Variants in AREG observed in about 807,000 individuals in gnomAD.
AREG encodes the protein amphiregulin, also known as amphiregulin B.
In AREG, 16 loss-of-function variants were observed where a neutral mutation model predicts 28.0. That is an observed-to-expected ratio of 0.57 (90% CI 0.39 to 0.87). AREG has a LOEUF of 0.87. Among genes scored for constraint, AREG ranks in the 40% least tolerant of loss-of-function variants. The probability of loss-of-function intolerance (pLI) is 0.00; values close to 1 mark genes in which losing one functional copy is unlikely to be tolerated. For missense variants in AREG, 287 were observed against 309.1 expected, an observed-to-expected ratio of 0.93 and a Z score of 0.53; for synonymous variants, 113 against 113.5, an observed-to-expected ratio of 1.00 and a Z score of 0.02.
Position 74,452,523 on chromosome 4 carries a change from AGAATGCC to A in AREG, c.666-20_666-14del, listed in dbSNP as rs1719396203. 5.0e-6 allele frequency: 8 copies of A among 1,613,142 alleles called. No homozygotes were observed. The African/African-American group carries it at 1.1e-4, about 22-fold the overall frequency. On this transcript the variant is annotated splice_polypyrimidine_tract_variant and intron_variant, in intron 4 of 5. Coordinates refer to ENST00000395748, the MANE Select transcript of AREG (RefSeq NM_001657.4). ...AGATGAATAGAACCTTGATAACATT[AGAATGCC>A]TTGTTCTCTGAAGGCTTAGAAGACA... is the stretch of plus-strand genomic sequence containing the variant.
intron 3 of AREG, among the ~76,000 whole-genome samples, chr4:74,449,864 C>T (rs1038098948): frequency 5.3e-5 from 8 of 151,870 alleles, no homozygotes; most frequent in African/African-American, 1.9e-4. Context: ...AGTTTCCTGA[C>T]CCCTGGTATA....
chr4:74,445,161 C>T lies in AREG; in HGVS notation c.-185C>T. The T allele has an allele frequency of 7.5e-7, 1 of 1,335,796 alleles. No individual in the cohort carries two copies. Among genetic ancestry groups the T allele is most frequent in the Non-Finnish European group, 1.0e-6 (1 of 1,002,574 alleles). 82.7% of individuals were successfully genotyped at this position (1,335,796 alleles called of 1,614,324 possible). A position where few individuals can be genotyped will look rare whatever the true frequency, so the allele number is the denominator to read the frequency against. ...AGACGTTCGCACACCTGGGTGCCAG[C>T]GCCCCAGAGGTCCCGGGACAGCCCG... On this transcript the variant is annotated 5_prime_UTR_variant, in exon 1 of 6. Coordinates refer to ENST00000395748, the MANE Select transcript of AREG (RefSeq NM_001657.4).
intron 5 of AREG, among the ~76,000 whole-genome samples, chr4:74,453,328 A>C (rs1719410734): frequency 1.3e-5 from 2 of 152,164 alleles, no homozygotes; most frequent in Non-Finnish European, 2.9e-5. Flanking sequence ...GGAAGTAGAA[A>C]GGGAGGGGGA....
chr4:74,446,749 A>T lies in AREG; in HGVS notation c.277A>T (p.Ile93Leu). ...YSEEYDNEPQ[I>L]PGYIVDDSVR... ...AGAAGAGTATGATAACGAACCACAA[A>T]TACCTGGCTATATTGTCGATGATTC... is the stretch of plus-strand genomic sequence containing the variant. Residue 93 changes from isoleucine to leucine, a missense_variant, in exon 2 of 6, where the codon ATA (isoleucine) becomes TTA (leucine). Ile to Leu is a conservative substitution (Grantham distance 5). Transcript: ENST00000395748. 1 of 1,613,942 alleles carries T rather than the reference A, an allele frequency of 6.2e-7. No homozygotes were observed. Among genetic ancestry groups the T allele is most frequent in the Non-Finnish European group, 8.5e-7 (1 of 1,179,858 alleles).
At position 74,445,199 on chromosome 4, in the gene AREG, C is replaced by A. The variant is rs1169274233; in HGVS notation, c.-147C>A. 6.7e-7 allele frequency: 1 copy of A among 1,484,470 alleles called. No homozygotes were observed. The highest frequency in any genetic ancestry group is 9.0e-7 in the Non-Finnish European group (1 of 1,111,310). 92.0% of individuals were successfully genotyped at this position (1,484,470 alleles called of 1,614,324 possible). On this transcript the variant is annotated 5_prime_UTR_variant, in exon 1 of 6. Transcript: ENST00000395748. ...CCGGGACAGCCCGAGGCGCCGCGCC[C>A]GCCGCCCCGAGCTCCCCAAGCCTTC...
At chr4:74,448,818 C>T in intron 2 of AREG, 1 of 539,460 alleles carries the variant, frequency 1.9e-6, no homozygotes, top group Non-Finnish European at 3.1e-6. Context: ...AAGTAGTACT[C>T]ACTAATTCCC....
chr4:74,445,687 G>A (rs1719270344), intron 1 of AREG, among the ~76,000 whole-genome samples: 1 of 152,170 alleles, frequency 6.6e-6, no homozygotes, highest in African/African-American at 2.4e-5. Flanking sequence ...CAGATTAAAA[G>A]ATTAAAAAGA....
chr4:74,454,033 G>T (rs1262779947), intron 5 of AREG, among the ~76,000 whole-genome samples: 1 of 152,094 alleles, frequency 6.6e-6, no homozygotes, highest in East Asian at 1.9e-4. Flanking sequence ...ACTCCAGATG[G>T]TTCTGATACT....
In AREG at chr4:74,445,544, C is replaced by T. The variant is rs1029157660; in HGVS notation, c.61+138C>T. Reference sequence around the variant, plus strand: ...CCGCAGGAGGTGATCACTGTAGCTCCCTCCCTAGGAGGAAAAGAGAAGGGC... The same window carrying T: ...CCGCAGGAGGTGATCACTGTAGCTCTCTCCCTAGGAGGAAAAGAGAAGGGC... On this transcript the variant is annotated intron_variant, in intron 1 of 5. Transcript: ENST00000395748. The T allele has an allele frequency of 2.0e-6, 3 of 1,480,906 alleles. No individual in the cohort carries two copies. The African/African-American group carries it at 4.3e-5, about 21-fold the overall frequency. 91.7% of individuals were successfully genotyped at this position (1,480,906 alleles called of 1,614,324 possible).
In AREG at chr4:74,452,560, G is replaced by C; in HGVS notation, c.682G>C (p.Val228Leu). Residue 228 changes from valine to leucine, a missense_variant, in exon 5 of 6, where the codon GTC (valine) becomes CTC (leucine). By Grantham distance (32) the Val-to-Leu change is conservative. Coordinates refer to ENST00000395748, the MANE Select transcript of AREG (RefSeq NM_001657.4). ...VITVQLRRQYVRKYEGEAEER... is the reference protein window; with the variant it reads ...VITVQLRRQYLRKYEGEAEER... ...TCTCTGAAGGCTTAGAAGACAATAC[G>C]TCAGGAAATATGAAGGAGAAGCTGA... 1 of 1,613,422 alleles carries C rather than the reference G, an allele frequency of 6.2e-7. No homozygotes were observed. Among genetic ancestry groups the C allele is most frequent in the South Asian group, 1.1e-5 (1 of 91,062 alleles).
chr4:74,446,739 C>T lies in AREG; in HGVS notation c.267C>T (p.Asn89=), dbSNP rs759769941. 30 of 1,613,812 alleles carry T rather than the reference C, an allele frequency of 1.9e-5. No homozygotes were observed. The highest frequency in any genetic ancestry group is 1.8e-4 in the East Asian group (8 of 44,894). The change falls in exon 2 of 6, where the codon AAC becomes AAT. Residue 89 remains asparagine, a synonymous_variant. Coordinates refer to ENST00000395748, the MANE Select transcript of AREG (RefSeq NM_001657.4). The part of the protein sequence containing the change: ...ADYDYSEEYD[N]EPQIPGYIVD... ...ATGACTACTCAGAAGAGTATGATAA[C>T]GAACCACAAATACCTGGCTATATTG...
intron 5 of AREG, among the ~76,000 whole-genome samples, chr4:74,454,365 A>G (rs959851576): frequency 6.6e-6 from 1 of 152,166 alleles, no homozygotes; most frequent in Non-Finnish European, 1.5e-5. Flanking sequence ...CTTGGTACTA[A>G]TTTTCCTAAA....
chr4:74,447,742 G>A (rs1459626573), intron 2 of AREG, among the ~76,000 whole-genome samples: 2 of 152,176 alleles, frequency 1.3e-5, no homozygotes, highest in African/African-American at 4.8e-5. Flanking sequence ...CAGAACTGGT[G>A]AAGGGACATC....
Position 74,448,832 on chromosome 4 carries a change from T to C in AREG, c.311-215T>C, listed in dbSNP as rs1719333484. The stretch of plus-strand genomic sequence containing the variant: ...CAAGTAGTACTCACTAATTCCCAAC[T>C]ATAATCATGAGTGGACACTACTTTC... On this transcript the variant is annotated intron_variant, in intron 2 of 5. Coordinates refer to ENST00000395748, the MANE Select transcript of AREG (RefSeq NM_001657.4). 17 of 607,048 alleles carry C rather than the reference T, an allele frequency of 2.8e-5. No homozygotes were observed. The South Asian group carries it at 5.1e-4, about 18-fold the overall frequency. 37.6% of individuals were successfully genotyped at this position (607,048 alleles called of 1,614,324 possible). A position where few individuals can be genotyped will look rare whatever the true frequency, so the allele number is the denominator to read the frequency against.
At chr4:74,451,466 A>G (rs1719381215) in intron 4 of AREG, among the ~76,000 whole-genome samples, 2 of 152,236 alleles carry the variant, frequency 1.3e-5, no homozygotes, top group Non-Finnish European at 2.9e-5. Context: ...ACTACCATTC[A>G]GGAAACAAGG....
At chr4:74,453,937 AAG>A (rs1719420188) in intron 5 of AREG, among the ~76,000 whole-genome samples, 1 of 151,878 alleles carries the variant, frequency 6.6e-6, no homozygotes, top group African/African-American at 2.4e-5. Flanking sequence ...AAAAAAAAAA[AAG>A]AATTACTTGA....
At chr4:74,452,227 T>A (rs1244878063) in intron 4 of AREG, among the ~76,000 whole-genome samples, 2 of 152,192 alleles carry the variant, frequency 1.3e-5, no homozygotes, top group African/African-American at 2.4e-5. Context: ...TACCATCATC[T>A]TCTCCAATTG....
chr4:74,454,082 T>C (rs1353376025), intron 5 of AREG, among the ~76,000 whole-genome samples: 1 of 152,226 alleles, frequency 6.6e-6, no homozygotes, highest in African/African-American at 2.4e-5. Context: ...AGTACAGATA[T>C]TTTGTTTTTA....
At chr4:74,446,810 G>T (rs370296348) in intron 2 of AREG, 28 bp downstream of exon 2, 36 of 1,613,900 alleles carry the variant, frequency 2.2e-5, no homozygotes, top group Admixed American at 1.0e-4. Flanking sequence ...CAAAAATATG[G>T]CCTGTGAGAT....
Sources: gnomAD v4.1 joint callset for allele counts (sites outside exome capture counted in the v4.1 genomes callset) on GRCh38, gnomAD v4.1.1 for gene constraint, MANE v1.5 for transcripts, NCBI Gene and HGNC (gene_info 2026-07-23, HGNC 2026-07-21) for gene names.